PALS1: variants seen among roughly 807,000 people sequenced by gnomAD.
PALS1 encodes the protein protein PALS1.
Under a neutral mutation model 78.9 loss-of-function variants are expected in PALS1, and 31 were observed. The ratio of observed to expected loss-of-function variants is 0.39; its 90% confidence interval spans 0.30 to 0.53. The LOEUF (loss-of-function observed/expected upper bound fraction) is 0.53, where lower values mean the gene tolerates loss of function less well. Among genes scored for constraint, PALS1 ranks in the 20% least tolerant of loss-of-function variants. PALS1 has a pLI of 0.67. For missense variants in PALS1, 704 were observed against 826.5 expected (o/e 0.85, Z 1.82); for synonymous variants, 276 against 270.9 (o/e 1.02, Z -0.18).
intron 3 of PALS1, among the ~76,000 whole-genome samples, chr14:67,285,412 G>C (rs1184536378): frequency 1.4e-5 from 2 of 146,158 alleles, no homozygotes; most frequent in Non-Finnish European, 3.0e-5. Flanking sequence ...TGTCGCCCAG[G>C]CTGGAGTGCA....
chr14:67,289,513 G>A (rs910151417), intron 3 of PALS1, among the ~76,000 whole-genome samples: 10 of 151,954 alleles, frequency 6.6e-5, no homozygotes, highest in African/African-American at 2.4e-4. Context: ...CACTGATACC[G>A]AGGGATAACT....
intron 1 of PALS1, among the ~76,000 whole-genome samples, chr14:67,268,024 C>T (rs2084355888): frequency 6.6e-6 from 1 of 152,052 alleles, no homozygotes; most frequent in African/African-American, 2.4e-5. Flanking sequence ...TAATATTGCT[C>T]CTATGCATAC....
At chr14:67,328,424 C>T (rs1276035834) in intron 14 of PALS1, among the ~76,000 whole-genome samples, 1 of 152,174 alleles carries the variant, frequency 6.6e-6, no homozygotes, top group Non-Finnish European at 1.5e-5. Context: ...TTCTCCCATT[C>T]TGTAGGTTGC....
chr14:67,306,144 A>G (rs190205113), intron 8 of PALS1, among the ~76,000 whole-genome samples: 5 of 152,082 alleles, frequency 3.3e-5, no homozygotes, highest in African/African-American at 1.2e-4. Context: ...TAATTTTTGT[A>G]TTTTTAGCAG....
intron 4 of PALS1, among the ~76,000 whole-genome samples, chr14:67,297,054 T>C (rs1299273602): frequency 6.6e-6 from 1 of 152,332 alleles, no homozygotes; most frequent in East Asian, 1.9e-4. Context: ...TTATTTTAAC[T>C]TGATAATAGT....
At chr14:67,274,108 C>T (rs1249533298) in intron 2 of PALS1, among the ~76,000 whole-genome samples, 1 of 152,156 alleles carries the variant, frequency 6.6e-6, no homozygotes, top group Non-Finnish European at 1.5e-5. Flanking sequence ...TTTTGCTGTG[C>T]AGAAGCTCTT....
chr14:67,301,480 A>G lies in PALS1; in HGVS notation c.654+14A>G, dbSNP rs149805324. 121 of 1,581,496 alleles carry G rather than the reference A, an allele frequency of 7.7e-5. 1 individual carries two copies. In the East Asian group the frequency reaches 2.7e-3, roughly 35 times the overall value. On this transcript the variant is annotated intron_variant, in intron 5 of 14. Transcript: ENST00000261681. ...CCACATATTCAGGTAGAAAATGGAC[A>G]GAATACTATATATGTGGTTTTTCCA...
intron 8 of PALS1, among the ~76,000 whole-genome samples, chr14:67,308,546 CTTTTT>C (rs375911648): frequency 7.6e-6 from 1 of 131,836 alleles, no homozygotes; most frequent in Non-Finnish European, 1.6e-5. Flanking sequence ...TTTTCTTTTT[CTTTTT>C]TTTTTTTTTT....
At chr14:67,303,959 G>T (rs138509637) in intron 8 of PALS1, 1 of 196,786 alleles carries the variant, frequency 5.1e-6, no homozygotes, top group South Asian at 9.2e-5. Context: ...GTAGAGACAG[G>T]GTTTTGCCAT....
At chr14:67,288,039 C>T (rs57025434) in intron 3 of PALS1, among the ~76,000 whole-genome samples, 23,521 of 151,966 alleles carry the variant, frequency 0.15, 3,437 homozygotes, top group East Asian at 0.42. Flanking sequence ...AAATCTGAGG[C>T]CCTCAGTCTT....
chr14:67,316,869 A>G lies in PALS1; in HGVS notation c.1263A>G (p.Gln421=). Residue 421 remains glutamine (Q), a synonymous_variant, in exon 10 of 15, where the codon CAA becomes CAG. Coordinates refer to ENST00000261681, the MANE Select transcript of PALS1 (RefSeq NM_022474.4). The stretch of plus-strand genomic sequence containing the variant: ...AGCAGCAAAGGGAAGCCATGAAACA[A>G]ACCATAGAAGAAGATAAGGAGCCAG... The part of the protein sequence containing the change: ...SFQQQREAMK[Q]TIEEDKEPEK... 2 of 1,612,742 alleles carry G rather than the reference A, an allele frequency of 1.2e-6. No individual in the cohort carries two copies. Among genetic ancestry groups the G allele is most frequent in the Non-Finnish European group, 1.7e-6 (2 of 1,179,262 alleles).
At chr14:67,296,996 T>A (rs1027085306) in intron 4 of PALS1, among the ~76,000 whole-genome samples, 4 of 152,146 alleles carry the variant, frequency 2.6e-5, no homozygotes, top group African/African-American at 9.7e-5. Context: ...CTGAAAAAAA[T>A]TCAGTACTTT....
chr14:67,278,228 C>T (rs118087570), intron 2 of PALS1, among the ~76,000 whole-genome samples: 6,013 of 151,878 alleles, frequency 0.04, 164 homozygotes, highest in Non-Finnish European at 0.059. Flanking sequence ...TTAGTAGAGA[C>T]GGGGTTTTGC....
chr14:67,319,260 C>T (rs1007953790), intron 11 of PALS1, among the ~76,000 whole-genome samples: 3 of 152,176 alleles, frequency 2.0e-5, no homozygotes, highest in Admixed American at 6.5e-5. Context: ...ACATCTGATG[C>T]TCCTTCACAG....
intron 1 of PALS1, among the ~76,000 whole-genome samples, chr14:67,261,173 A>G (rs1224685175): frequency 1.3e-5 from 2 of 152,212 alleles, no homozygotes; most frequent in Non-Finnish European, 2.9e-5. Flanking sequence ...TAAAGAAAAG[A>G]CAATAAAAAC....
intron 4 of PALS1, 107 bp from the exon 5 acceptor site, chr14:67,301,282 A>G: frequency 1.9e-6 from 1 of 525,650 alleles, no homozygotes; most frequent in Middle Eastern, 5.2e-4. Context: ...ATTTCTTACA[A>G]GTATTTTTAT....
intron 1 of PALS1, among the ~76,000 whole-genome samples, chr14:67,269,288 T>C (rs1328584363): frequency 6.6e-6 from 1 of 152,208 alleles, no homozygotes; most frequent in Non-Finnish European, 1.5e-5. Flanking sequence ...TTTTTCTACT[T>C]TTTTTGCTAT....
intron 14 of PALS1, among the ~76,000 whole-genome samples, chr14:67,326,303 T>C (rs1178725085): frequency 3.0e-5 from 4 of 134,478 alleles, no homozygotes; most frequent in African/African-American, 1.1e-4. Flanking sequence ...TGCTGTGGCA[T>C]GATCATAGCC....
At chr14:67,325,229 A>G (rs1278344382) in intron 14 of PALS1, among the ~76,000 whole-genome samples, 1 of 152,086 alleles carries the variant, frequency 6.6e-6, no homozygotes, top group Non-Finnish European at 1.5e-5. Flanking sequence ...ACTGTCCACC[A>G]CAACACATTA....
Sources: gnomAD v4.1 joint callset for allele counts (sites outside exome capture counted in the v4.1 genomes callset) on GRCh38, gnomAD v4.1.1 for gene constraint, MANE v1.5 for transcripts, NCBI Gene and HGNC (gene_info 2026-07-23, HGNC 2026-07-21) for gene names.